CCSER1: variants seen among roughly 807,000 people sequenced by gnomAD.
The protein encoded by CCSER1 is coiled-coil serine rich protein 1, also known as serine-rich coiled-coil domain-containing protein 1.
In CCSER1, 41 loss-of-function variants were observed where a neutral mutation model predicts 82.0. The observed-to-expected ratio is 0.50, with a 90% confidence interval of 0.39 to 0.65. The LOEUF is 0.65. Among genes scored for constraint, CCSER1 ranks in the 30% least tolerant of loss-of-function variants. The probability of loss-of-function intolerance (pLI) is 0.00; values close to 1 mark genes in which losing one functional copy is unlikely to be tolerated. For missense variants in CCSER1, 1,119 were observed against 1,064.2 expected (o/e 1.05, Z -0.72); for synonymous variants, 414 against 383.9 (o/e 1.08, Z -0.92).
chr4:91,481,900 T>C (rs1210738051), intron 10 of CCSER1, among the ~76,000 whole-genome samples: 1 of 152,026 alleles, frequency 6.6e-6, no homozygotes, highest in African/African-American at 2.4e-5. Context: ...ATATCTAGAA[T>C]TTACAAAGAA....
intron 5 of CCSER1, among the ~76,000 whole-genome samples, chr4:90,516,656 G>C (rs1185908957): frequency 6.6e-6 from 1 of 152,192 alleles, no homozygotes; most frequent in Non-Finnish European, 1.5e-5. Context: ...AAAGGGAAAG[G>C]GTATGAGAGC....
At chr4:91,568,638 G>A (rs1342133123) in intron 10 of CCSER1, among the ~76,000 whole-genome samples, 4 of 152,094 alleles carry the variant, frequency 2.6e-5, no homozygotes, top group African/African-American at 9.7e-5. Flanking sequence ...TTATTCTGCT[G>A]TTAATACTTG....
intron 9 of CCSER1, among the ~76,000 whole-genome samples, chr4:91,037,255 CACAT>C (rs1270865844): frequency 0.014 from 1,606 of 115,330 alleles, 25 homozygotes; most frequent in African/African-American, 0.044. Flanking sequence ...CACACACACA[CACAT>C]ACATACACAC....
At chr4:91,290,876 CATGTT>C (rs1272881573) in intron 10 of CCSER1, among the ~76,000 whole-genome samples, 1 of 151,740 alleles carries the variant, frequency 6.6e-6, no homozygotes, top group African/African-American at 2.4e-5. Context: ...ATAGATAAGA[CATGTT>C]GTGGGCTAAT....
At chr4:91,523,536 T>C (rs1399288155) in intron 10 of CCSER1, among the ~76,000 whole-genome samples, 1 of 152,172 alleles carries the variant, frequency 6.6e-6, no homozygotes, top group African/African-American at 2.4e-5. Flanking sequence ...CTATTAATTA[T>C]TGCCTCGATT....
chr4:90,399,826 G>T (rs1752555303), intron 3 of CCSER1, among the ~76,000 whole-genome samples: 1 of 151,942 alleles, frequency 6.6e-6, no homozygotes, highest in African/African-American at 2.4e-5. Flanking sequence ...GCAGATAATT[G>T]GAAAAGTTAA....
At chr4:91,272,727 G>C (rs1459806447) in intron 10 of CCSER1, among the ~76,000 whole-genome samples, 1 of 152,234 alleles carries the variant, frequency 6.6e-6, no homozygotes, top group East Asian at 1.9e-4. Context: ...TATAGTTTCA[G>C]GTCTTAGATT....
Position 91,599,208 on chromosome 4 carries a change from G to T in CCSER1, c.*151G>T. Reference sequence around the variant, plus strand: ...GTTTTTTTTCTTAGTCATAAACAAAGACTTGTGGGTTTTTTTTTTCCAAGA... The same window carrying T: ...GTTTTTTTTCTTAGTCATAAACAAATACTTGTGGGTTTTTTTTTTCCAAGA... On this transcript the variant is annotated 3_prime_UTR_variant, in exon 11 of 11. Transcript: ENST00000509176. 1 of 985,974 alleles carries T rather than the reference G, an allele frequency of 1.0e-6. No homozygotes were observed. 61.1% of individuals were successfully genotyped at this position (985,974 alleles called of 1,614,324 possible). A position where few individuals can be genotyped will look rare whatever the true frequency, so the allele number is the denominator to read the frequency against.
intron 4 of CCSER1, among the ~76,000 whole-genome samples, chr4:90,443,692 G>A (rs1760228291): frequency 6.6e-6 from 1 of 151,852 alleles, no homozygotes; most frequent in Non-Finnish European, 1.5e-5. Context: ...TCTATTATAA[G>A]CATATAAAAT....
chr4:91,489,796 A>ATAATAAAAATAAATAAATAAT (rs70965501), intron 10 of CCSER1, among the ~76,000 whole-genome samples: 2,837 of 151,552 alleles, frequency 0.019, 79 homozygotes, highest in African/African-American at 0.061. Context: ...TTAAAATAAA[A>ATAATAAAAATAAATAAATAAT]AAAAGATTGA....
At chr4:91,033,799 C>T (rs893224122) in intron 9 of CCSER1, among the ~76,000 whole-genome samples, 2 of 152,252 alleles carry the variant, frequency 1.3e-5, no homozygotes, top group South Asian at 2.1e-4. Flanking sequence ...ACAGCAGCAC[C>T]GTAAGGAGAA....
chr4:90,925,344 G>A (rs959265302), intron 9 of CCSER1, among the ~76,000 whole-genome samples: 14 of 152,076 alleles, frequency 9.2e-5, no homozygotes, highest in South Asian at 4.1e-4. Context: ...TTAAGGTAAT[G>A]TGCTTGGAAA....
At chr4:91,309,520 G>T (rs1157232433) in intron 10 of CCSER1, among the ~76,000 whole-genome samples, 2 of 151,988 alleles carry the variant, frequency 1.3e-5, no homozygotes, top group Non-Finnish European at 2.9e-5. Context: ...TGACCCTAAA[G>T]GTGGTTATCG....
intron 10 of CCSER1, among the ~76,000 whole-genome samples, chr4:91,400,502 G>T (rs755367366): frequency 3.4e-5 from 5 of 148,312 alleles, no homozygotes; most frequent in African/African-American, 1.2e-4. Context: ...TACCTAATTT[G>T]TCCATATATT....
Position 90,932,998 on chromosome 4 carries a change from A to AAGAAAGAAAG in CCSER1, c.2172+9553_2172+9562dup, listed in dbSNP as rs1730287811. Among the ~76,000 whole-genome samples the AAGAAAGAAAG allele has an allele frequency of 6.9e-5, 5 of 72,042 alleles. 1 individual carries two copies. Among genetic ancestry groups the AAGAAAGAAAG allele is most frequent in the Admixed American group, 1.5e-4 (1 of 6,720 alleles). The allele number at this position is 72,042 out of a possible 152,430, so 47.3% of individuals were successfully genotyped here. ...AGAAAGAAAGAGAAAGAAAGAAAGA[A>AAGAAAGAAAG]AGAAAGAAAGAAAGAAAGAAAGAAA... On this transcript the variant is annotated intron_variant, in intron 9 of 10. Transcript: ENST00000509176.
intron 9 of CCSER1, among the ~76,000 whole-genome samples, chr4:90,935,634 G>A (rs1041587741): frequency 6.6e-6 from 1 of 152,094 alleles, no homozygotes; most frequent in Non-Finnish European, 1.5e-5. Flanking sequence ...TTAAAAATAT[G>A]CAAAAATATT....
At chr4:91,377,422 A>G (rs933381528) in intron 10 of CCSER1, among the ~76,000 whole-genome samples, 1 of 152,004 alleles carries the variant, frequency 6.6e-6, no homozygotes, top group Non-Finnish European at 1.5e-5. Context: ...TTGTTTCCTG[A>G]CTTTTTAATG....
At chr4:91,329,856 A>G (rs1277693299) in intron 10 of CCSER1, among the ~76,000 whole-genome samples, 5 of 151,890 alleles carry the variant, frequency 3.3e-5, no homozygotes, top group African/African-American at 9.7e-5. Flanking sequence ...TTAATTCCCA[A>G]TGTTATTTAT....
At chr4:91,307,319 GTCTTA>G in intron 10 of CCSER1, among the ~76,000 whole-genome samples, 1 of 151,236 alleles carries the variant, frequency 6.6e-6, no homozygotes, top group African/African-American at 2.4e-5. Flanking sequence ...ATCCTCTCTA[GTCTTA>G]TCTTGCTATT....
Sources: allele counts gnomAD v4.1 joint callset (sites outside exome capture counted in the v4.1 genomes callset), GRCh38; gene constraint gnomAD v4.1.1; transcripts MANE v1.5; gene names NCBI Gene and HGNC (gene_info 2026-07-23, HGNC 2026-07-21).